SORCS2: variants seen among roughly 807,000 people sequenced by gnomAD.
The protein encoded by SORCS2 is sortilin related VPS10 domain containing receptor 2, also known as VPS10 domain-containing receptor SorCS2.
SORCS2 carries 100 observed loss-of-function variants against 141.6 expected under a neutral mutation model. That is an observed-to-expected ratio of 0.71 (90% CI 0.60 to 0.83). SORCS2 has a LOEUF of 0.83. Among genes scored for constraint, SORCS2 ranks in the 40% least tolerant of loss-of-function variants. The pLI, the probability that SORCS2 is intolerant of heterozygous loss-of-function variation, is 0.00. For missense variants in SORCS2, 1,646 were observed against 1,560.2 expected (o/e 1.05, Z -0.93); for synonymous variants, 789 against 676.9 (o/e 1.17, Z -2.57).
In SORCS2 at chr4:7,723,754, T is replaced by C. The variant is rs1184058824; in HGVS notation, c.2482T>C (p.Tyr828His). Residue 828 changes from tyrosine (Y) to histidine (H), a missense_variant, in exon 19 of 27, where the codon TAC becomes CAC. By Grantham distance (83) the Tyr-to-His change is moderately conservative. Coordinates refer to ENST00000507866, the MANE Select transcript of SORCS2 (RefSeq NM_020777.3). ...VDLGDGFKAM[Y>H]VNLTLTGEPI... The stretch of plus-strand genomic sequence containing the variant: ...CCTTGGGGACGGCTTCAAGGCCATG[T>C]ACGTGAACCTTACACTGACCGGGGA... 2 of 1,613,882 alleles carry C rather than the reference T, an allele frequency of 1.2e-6. No individual in the cohort carries two copies. The highest frequency in any genetic ancestry group is 2.2e-5 in the East Asian group (1 of 44,898).
chr4:7,370,573 C>T (rs1304193750), intron 1 of SORCS2, among the ~76,000 whole-genome samples: 1 of 152,260 alleles, frequency 6.6e-6, no homozygotes, highest in Non-Finnish European at 1.5e-5. Context: ...AAAAATTACA[C>T]ATCAACACGC....
intron 3 of SORCS2, among the ~76,000 whole-genome samples, chr4:7,565,620 T>C (rs898914550): frequency 6.6e-6 from 1 of 151,706 alleles, no homozygotes; most frequent in Non-Finnish European, 1.5e-5. Flanking sequence ...GATATAATGA[T>C]GATAATGATG....
chr4:7,739,450 C>G (rs1377782631), intron 26 of SORCS2, among the ~76,000 whole-genome samples: 1 of 152,238 alleles, frequency 6.6e-6, no homozygotes, highest in East Asian at 1.9e-4. Flanking sequence ...AAGAGTAATC[C>G]TAGTGGGGTA....
At chr4:7,436,737 T>G (rs187382685) in intron 2 of SORCS2, among the ~76,000 whole-genome samples, 117 of 152,302 alleles carry the variant, frequency 7.7e-4, no homozygotes, top group African/African-American at 2.5e-3. Context: ...CAGTGCACCA[T>G]GGTGGATTTG....
intron 11 of SORCS2, among the ~76,000 whole-genome samples, chr4:7,689,899 T>C (rs962907055): frequency 1.4e-5 from 2 of 140,858 alleles, no homozygotes; most frequent in Admixed American, 1.4e-4. Flanking sequence ...GGATGAATGA[T>C]GGCTGGCTGG....
chr4:7,729,789 C>A (rs538349045), intron 23 of SORCS2, 77 bp downstream of exon 23: 104 of 1,538,422 alleles, frequency 6.8e-5, no homozygotes, highest in Non-Finnish European at 8.9e-5. Flanking sequence ...CAAGCAGGGA[C>A]GTCTCAGTGG....
chr4:7,335,524 C>T (rs1190898607), intron 1 of SORCS2, among the ~76,000 whole-genome samples: 3 of 152,228 alleles, frequency 2.0e-5, no homozygotes, highest in East Asian at 1.9e-4. Context: ...CCGCCTCTTG[C>T]TCCGGCCCGA....
intron 1 of SORCS2, among the ~76,000 whole-genome samples, chr4:7,275,063 G>C (rs1715405761): frequency 6.6e-6 from 1 of 152,188 alleles, no homozygotes; most frequent in Admixed American, 6.6e-5. Context: ...TTCTGTTAAT[G>C]ATTTTTGATG....
Position 7,697,267 on chromosome 4 carries a change from G to A in SORCS2, c.1661G>A (p.Trp554Ter). ...ATCACGTCAGACTGTGGTCACACCT[G>A]GCGGCAGGTAAGCTGGCTGGGAGGT... The part of the protein sequence containing the change: ...MYITSDCGHT[W>*]RQVFEEEHHI... Residue 554 changes from tryptophan to a stop codon, truncating the protein, a stop_gained, in exon 12 of 27, where the codon TGG (tryptophan) becomes TAG (stop). Transcript: ENST00000507866. LOFTEE classifies it high-confidence loss of function. The A allele has an allele frequency of 6.3e-7, 1 of 1,586,398 alleles. No individual in the cohort carries two copies. Among genetic ancestry groups the A allele is most frequent in the Non-Finnish European group, 8.6e-7 (1 of 1,166,748 alleles).
rs1712034371 is a variant in SORCS2 at position 7,233,291 on chromosome 4, CT to C, written c.480+40166del. Among the ~76,000 whole-genome samples the C allele has an allele frequency of 6.6e-6, 1 of 152,162 alleles. No individual in the cohort carries two copies. Among genetic ancestry groups the C allele is most frequent in the Non-Finnish European group, 1.5e-5 (1 of 68,010 alleles). On this transcript the variant is annotated intron_variant, in intron 1 of 26. Transcript: ENST00000507866. This position sits in a 1 kb window ranked among gnomAD's most constrained non-coding sequence, Gnocchi z 4.5. ...CCCAGACACCAACTGTGGACTATGC[CT>C]GCAGAAGCCACGGTGGGGACAGGAG...
intron 3 of SORCS2, among the ~76,000 whole-genome samples, chr4:7,585,899 T>A (rs559627302): frequency 1.3e-5 from 2 of 152,368 alleles, no homozygotes; most frequent in South Asian, 4.1e-4. Context: ...CTGAAGGGGT[T>A]GCTCTATTTG....
intron 3 of SORCS2, among the ~76,000 whole-genome samples, chr4:7,624,493 G>A (rs933283618): frequency 3.9e-5 from 6 of 152,144 alleles, no homozygotes; most frequent in African/African-American, 1.4e-4. Context: ...ATACTATCTT[G>A]GCTTCTCATC....
intron 3 of SORCS2, among the ~76,000 whole-genome samples, chr4:7,531,839 AG>A (rs1209045493): frequency 6.6e-6 from 1 of 152,228 alleles, no homozygotes; most frequent in African/African-American, 2.4e-5. Context: ...CTTTGGAGGA[AG>A]GCACCGCCTG....
chr4:7,453,187 G>A (rs1728598332), intron 2 of SORCS2, among the ~76,000 whole-genome samples: 1 of 139,292 alleles, frequency 7.2e-6, no homozygotes, highest in East Asian at 2.3e-4. Flanking sequence ...TCTGTGTTGG[G>A]GTCAGGCTCC....
chr4:7,537,887 G>A (rs1427541005), intron 3 of SORCS2, among the ~76,000 whole-genome samples: 1 of 152,106 alleles, frequency 6.6e-6, no homozygotes, highest in East Asian at 1.9e-4. Flanking sequence ...TCAGGAGGCT[G>A]AGGTGGGAAG....
intron 4 of SORCS2, among the ~76,000 whole-genome samples, chr4:7,639,950 AAT>A (rs1720555406): frequency 1.4e-5 from 2 of 143,956 alleles, no homozygotes; most frequent in East Asian, 4.3e-4. Flanking sequence ...TGTTTGTGAG[AAT>A]GAGTGTGGGT....
Position 7,429,559 on chromosome 4 carries a change from A to G in SORCS2, c.548+33204A>G, listed in dbSNP as rs561956563. ...ATTTTCAGAGGCTAGCTGGAAGAAC[A>G]GAAAAGACAGAGGTGTCATGGAAGG... On this transcript the variant is annotated intron_variant, in intron 2 of 26. Transcript: ENST00000507866. Among the ~76,000 whole-genome samples, 3 of 152,374 alleles carry G rather than the reference A, an allele frequency of 2.0e-5. No individual in the cohort carries two copies. The South Asian group carries it at 6.2e-4, about 32-fold the overall frequency.
chr4:7,466,773 G>T (rs949232105), intron 2 of SORCS2, among the ~76,000 whole-genome samples: 2 of 152,202 alleles, frequency 1.3e-5, no homozygotes, highest in Non-Finnish European at 2.9e-5. Context: ...CTGGCTGGGC[G>T]ATTCCCTAAG....
At chr4:7,370,763 G>T (rs987466570) in intron 1 of SORCS2, among the ~76,000 whole-genome samples, 2 of 152,166 alleles carry the variant, frequency 1.3e-5, no homozygotes, top group African/African-American at 2.4e-5. Flanking sequence ...TGGGTGGAGG[G>T]ACTGGGCCCC....
Sources: gnomAD v4.1 joint callset for allele counts (sites outside exome capture counted in the v4.1 genomes callset) on GRCh38, gnomAD v4.1.1 for gene constraint, Gnocchi (gnomAD v3.1) non-coding constraint, MANE v1.5 for transcripts, NCBI Gene and HGNC (gene_info 2026-07-23, HGNC 2026-07-21) for gene names.